The following MYO5B variants were observed in gnomAD, a reference collection of about 807,000 sequenced individuals.
The protein encoded by MYO5B is myosin VB, also known as unconventional myosin-Vb.
Under a neutral mutation model 229.3 loss-of-function variants are expected in MYO5B, and 143 were observed. That is an observed-to-expected ratio of 0.62 (90% CI 0.54 to 0.72). The LOEUF (loss-of-function observed/expected upper bound fraction) is 0.72. Among genes scored for constraint, MYO5B ranks in the 30% least tolerant of loss-of-function variants. The probability of loss-of-function intolerance (pLI) is 0.00; values close to 1 mark genes in which losing one functional copy is unlikely to be tolerated. For missense variants in MYO5B, 2,321 were observed against 2,331.0 expected (o/e 1.00, Z 0.09); for synonymous variants, 918 against 885.2 (o/e 1.04, Z -0.66).
intron 5 of MYO5B, among the ~76,000 whole-genome samples, chr18:50,000,076 C>G (rs2026029528): frequency 6.6e-6 from 1 of 152,184 alleles, no homozygotes; most frequent in African/African-American, 2.4e-5. Context: ...ACTCTGAAGG[C>G]AGGAGATTTT....
chr18:50,038,402 A>C (rs1014580034), intron 3 of MYO5B, among the ~76,000 whole-genome samples: 4 of 152,210 alleles, frequency 2.6e-5, no homozygotes, highest in African/African-American at 9.7e-5. Context: ...CAGGGGGTAA[A>C]AAAGACACTC....
intron 7 of MYO5B, among the ~76,000 whole-genome samples, chr18:49,987,025 G>C (rs976494221): frequency 2.6e-5 from 4 of 152,192 alleles, no homozygotes; most frequent in African/African-American, 9.7e-5. Flanking sequence ...CAAAGGAGGA[G>C]ACTAGACTTT....
At chr18:50,010,422 G>A (rs776834070) in intron 4 of MYO5B, among the ~76,000 whole-genome samples, 1 of 152,210 alleles carries the variant, frequency 6.6e-6, no homozygotes, top group East Asian at 1.9e-4. Flanking sequence ...CAGACAGAGG[G>A]AGACAGAGCA....
chr18:50,078,264 C>T (rs148584673), intron 1 of MYO5B, among the ~76,000 whole-genome samples: 5 of 152,288 alleles, frequency 3.3e-5, no homozygotes, highest in African/African-American at 1.2e-4. Context: ...CCCTGAGCAT[C>T]CTGGGAGTAG....
At chr18:50,039,992 A>T in intron 3 of MYO5B, 151 bp downstream of exon 3, 1 of 867,552 alleles carries the variant, frequency 1.2e-6, no homozygotes, top group Non-Finnish European at 1.9e-6. Flanking sequence ...ATTAAGCCAC[A>T]TTCACTGATT....
chr18:50,024,355 A>G, intron 4 of MYO5B, among the ~76,000 whole-genome samples: 1 of 107,514 alleles, frequency 9.3e-6, no homozygotes, highest in Non-Finnish European at 2.1e-5. Flanking sequence ...GACTAAGCAG[A>G]GAAGTCCTGG....
chr18:50,055,829 C>G (rs1225496017), intron 1 of MYO5B, among the ~76,000 whole-genome samples: 1 of 152,208 alleles, frequency 6.6e-6, no homozygotes, highest in African/African-American at 2.4e-5. Context: ...GAGAAAAAGT[C>G]ATTTTCCTGC....
intron 34 of MYO5B, among the ~76,000 whole-genome samples, chr18:49,842,508 G>T (rs2024070832): frequency 6.6e-6 from 1 of 152,226 alleles, no homozygotes; most frequent in Non-Finnish European, 1.5e-5. Flanking sequence ...ACTAAAGATG[G>T]TCTCTAAGAG....
At chr18:49,910,840 T>C (rs1199312604) in intron 18 of MYO5B, among the ~76,000 whole-genome samples, 1 of 152,162 alleles carries the variant, frequency 6.6e-6, no homozygotes, top group East Asian at 1.9e-4. Flanking sequence ...GAGGTAATTA[T>C]TTTTATTACC....
rs745776575 is a variant in MYO5B, at chr18:49,904,741, C to T, written c.2502G>A (p.Arg834=). The T allele has an allele frequency of 6.2e-7, 1 of 1,613,924 alleles. No individual in the cohort carries two copies. Among genetic ancestry groups the T allele is most frequent in the East Asian group, 2.2e-5 (1 of 44,886 alleles). Residue 834 remains arginine (R), a synonymous_variant, in exon 20 of 40, where the codon AGG becomes AGA. Coordinates refer to ENST00000285039, the MANE Select transcript of MYO5B (RefSeq NM_001080467.3). ...GGATAACAACGGCAGCTCTGCGGAC[C>T]CTCTGGTAGGCCTGGCGGGCCCTCT... ...RMQRARQAYQ[R]VRRAAVVIQA...
At chr18:50,085,952 T>C (rs1257514469) in intron 1 of MYO5B, among the ~76,000 whole-genome samples, 1 of 151,948 alleles carries the variant, frequency 6.6e-6, no homozygotes, top group Non-Finnish European at 1.5e-5. Context: ...CATTAGGAGA[T>C]ATACCTAATG....
intron 1 of MYO5B, among the ~76,000 whole-genome samples, chr18:50,065,707 G>A (rs963939060): frequency 2.6e-5 from 4 of 152,012 alleles, no homozygotes; most frequent in African/African-American, 7.2e-5. Flanking sequence ...GACCACATGC[G>A]GCTAATCTCC....
At chr18:49,981,706 G>A (rs1222922908) in intron 8 of MYO5B, among the ~76,000 whole-genome samples, 3 of 152,186 alleles carry the variant, frequency 2.0e-5, no homozygotes, top group Non-Finnish European at 2.9e-5. Flanking sequence ...TAGAATGACC[G>A]GATCGCTGGC....
intron 1 of MYO5B, among the ~76,000 whole-genome samples, chr18:50,100,089 A>G (rs2031627474): frequency 6.6e-6 from 1 of 152,252 alleles, no homozygotes; most frequent in African/African-American, 2.4e-5. Context: ...ACCTGGCTAG[A>G]AACCGGAAGA....
intron 1 of MYO5B, among the ~76,000 whole-genome samples, chr18:50,156,865 C>T (rs1396523561): frequency 6.6e-6 from 1 of 152,186 alleles, no homozygotes; most frequent in African/African-American, 2.4e-5. Context: ...TTTCGACCTT[C>T]AATGTACACA....
intron 4 of MYO5B, among the ~76,000 whole-genome samples, chr18:50,031,933 G>A (rs1279378775): frequency 6.6e-6 from 1 of 152,148 alleles, no homozygotes; most frequent in Non-Finnish European, 1.5e-5. Flanking sequence ...CAACATAAGG[G>A]CTCTGGGAAG....
intron 4 of MYO5B, among the ~76,000 whole-genome samples, chr18:50,033,119 C>A (rs2026408620): frequency 6.6e-6 from 1 of 152,202 alleles, no homozygotes; most frequent in South Asian, 2.1e-4. Context: ...CACCAATTGA[C>A]ATTCCCACTA....
At chr18:50,124,924 A>G (rs2032132838) in intron 1 of MYO5B, among the ~76,000 whole-genome samples, 1 of 139,330 alleles carries the variant, frequency 7.2e-6, no homozygotes, top group South Asian at 2.4e-4. Context: ...AGAGGCTGCA[A>G]GGATCAATAA....
chr18:50,051,947 T>C (rs2030404922), intron 2 of MYO5B, among the ~76,000 whole-genome samples: 1 of 151,708 alleles, frequency 6.6e-6, no homozygotes, highest in Admixed American at 6.6e-5. Context: ...TGAAGGAGAG[T>C]GGTGATGGTT....
Sources: gnomAD v4.1 joint callset for allele counts (sites outside exome capture counted in the v4.1 genomes callset) on GRCh38, gnomAD v4.1.1 for gene constraint, MANE v1.5 for transcripts, NCBI Gene and HGNC (gene_info 2026-07-23, HGNC 2026-07-21) for gene names.